Variants in KCNN2 observed in about 807,000 individuals in gnomAD.
The protein encoded by KCNN2 is potassium calcium-activated channel subfamily N member 2.
KCNN2 carries 24 observed loss-of-function variants against 55.5 expected under a neutral mutation model. The observed-to-expected ratio is 0.43, with a 90% CI of 0.31 to 0.61. The LOEUF (loss-of-function observed/expected upper bound fraction) is 0.61. KCNN2 is among the 20% of genes least tolerant of loss of function. The pLI, the probability that KCNN2 is intolerant of heterozygous loss-of-function variation, is 0.08. For synonymous variants in KCNN2, 431 were observed against 336.1 expected, an observed-to-expected ratio of 1.28 and a Z score of -3.09; for missense variants, 754 against 853.6, an observed-to-expected ratio of 0.88 and a Z score of 1.45.
chr5:114,486,921 T>C (rs934562467), intron 5 of KCNN2, 129 bp from the exon 6 acceptor site: 2 of 1,239,544 alleles, frequency 1.6e-6, no homozygotes, highest in African/African-American at 3.1e-5. Flanking sequence ...AAAATGGTAT[T>C]TGGAGTCATG....
chr5:114,133,510 A>C (rs1752111596), intron 1 of KCNN2, among the ~76,000 whole-genome samples: 1 of 152,048 alleles, frequency 6.6e-6, no homozygotes, highest in East Asian at 1.9e-4. Context: ...CCATTAATCC[A>C]CCCTGTACCA....
At chr5:114,366,974 G>T (rs1462357499) in intron 2 of KCNN2, among the ~76,000 whole-genome samples, 2 of 152,232 alleles carry the variant, frequency 1.3e-5, no homozygotes, top group East Asian at 3.9e-4. Context: ...CAGATTTCTG[G>T]TGCATGATAT....
At chr5:114,476,405 A>ATTAG in intron 5 of KCNN2, among the ~76,000 whole-genome samples, 1 of 151,890 alleles carries the variant, frequency 6.6e-6, no homozygotes, top group Non-Finnish European at 1.5e-5. Context: ...GGTCTGAGAA[A>ATTAG]TATACTCTAG....
intron 1 of KCNN2, among the ~76,000 whole-genome samples, chr5:114,101,209 G>T (rs2112569308): frequency 6.6e-6 from 1 of 151,912 alleles, no homozygotes; most frequent in Non-Finnish European, 1.5e-5. Context: ...ATCTTTGTGA[G>T]TAGTCATAGA....
chr5:114,173,431 GT>G (rs1389487378), intron 1 of KCNN2, among the ~76,000 whole-genome samples: 2 of 118,676 alleles, frequency 1.7e-5, no homozygotes, highest in African/African-American at 6.3e-5. Flanking sequence ...TTTTGTTTTT[GT>G]TTTGTTTGTG....
intron 2 of KCNN2, among the ~76,000 whole-genome samples, chr5:114,351,329 G>A (rs897845240): frequency 2.0e-5 from 3 of 151,638 alleles, no homozygotes; most frequent in African/African-American, 7.3e-5. Flanking sequence ...CTGTTTATTA[G>A]TTCTAAGAGC....
In KCNN2 at chr5:114,392,547, C is replaced by T. The variant is rs568371790; in HGVS notation, c.1219-11891C>T. Among the ~76,000 whole-genome samples the T allele has an allele frequency of 5.3e-5, 8 of 152,268 alleles. No individual in the cohort carries two copies. In the South Asian group the frequency reaches 6.2e-4, roughly 12 times the overall value. ...GGGAATGACAAGCATCAGCTTTGCT[C>T]GTTTCTTCTGAGTTTTGCTCAGGAT... is the stretch of plus-strand genomic sequence containing the variant. On this transcript the variant is annotated intron_variant, in intron 2 of 7. Transcript: ENST00000673685.
chr5:114,400,452 T>C (rs1335880059), intron 2 of KCNN2, among the ~76,000 whole-genome samples: 1 of 152,216 alleles, frequency 6.6e-6, no homozygotes, highest in African/African-American at 2.4e-5. Flanking sequence ...CTCTTCACCC[T>C]GTTTTCCCCA....
At chr5:114,478,078 C>G (rs367693713) in intron 5 of KCNN2, among the ~76,000 whole-genome samples, 69 of 152,090 alleles carry the variant, frequency 4.5e-4, no homozygotes, top group East Asian at 4.3e-3. Context: ...ATACACCTGA[C>G]CTAAAGGAAA....
intron 4 of KCNN2, among the ~76,000 whole-genome samples, chr5:114,467,496 C>G (rs1761511522): frequency 6.6e-6 from 1 of 152,062 alleles, no homozygotes; most frequent in African/African-American, 2.4e-5. Context: ...CTTTTTGGTT[C>G]TTTCTGGTGC....
rs1416586540 is a variant in KCNN2 at position 114,478,765 on chromosome 5, TCCAAC to T, written c.1890+5603_1890+5607del. Among the ~76,000 whole-genome samples the T allele has an allele frequency of 2.0e-5, 3 of 152,240 alleles. No individual in the cohort carries two copies. The East Asian group carries it at 5.8e-4, about 29-fold the overall frequency. On this transcript the variant is annotated intron_variant, in intron 5 of 7. Coordinates refer to ENST00000673685, the MANE Select transcript of KCNN2 (RefSeq NM_021614.4). ...CCATATTCAACATTCTTAAAGAATT[TCCAAC>T]CTAGAATTTCGTTATCTGGCCAAAC...
intron 1 of KCNN2, among the ~76,000 whole-genome samples, chr5:114,175,827 C>T (rs1159142855): frequency 1.3e-5 from 2 of 151,984 alleles, no homozygotes; most frequent in African/African-American, 2.4e-5. Context: ...TGCCATTTTG[C>T]CAGAGTTATT....
In KCNN2 at chr5:114,376,744, A is replaced by G. The variant is rs544804328; in HGVS notation, c.1218+12743A>G. 3.9e-5 allele frequency among the ~76,000 whole-genome samples: 6 copies of G among 152,322 alleles called. No individual in the cohort carries two copies. In the East Asian group the frequency reaches 1.2e-3, roughly 29 times the overall value. On this transcript the variant is annotated intron_variant, in intron 2 of 7. Transcript: ENST00000673685. ...GGGGGAAATTACAATGAAGTGTTAC[A>G]AGTGTACTTTTCCTTACCGAGGAGA... is the stretch of plus-strand genomic sequence containing the variant.
chr5:114,374,958 T>A (rs1031309213), intron 2 of KCNN2, among the ~76,000 whole-genome samples: 3 of 152,214 alleles, frequency 2.0e-5, no homozygotes, highest in African/African-American at 7.2e-5. Flanking sequence ...TTAGTCGTCT[T>A]CTGTCAGGAG....
Position 114,404,861 on chromosome 5 carries a change from G to A in KCNN2, c.1637+5G>A. On this transcript the variant is annotated splice_donor_5th_base_variant and intron_variant, in intron 3 of 7. Coordinates refer to ENST00000673685, the MANE Select transcript of KCNN2 (RefSeq NM_021614.4). ...GACTGTCCGAGCTTGTGAAAGGTAA[G>A]TTTGTTTCTTTTCCTGAGAACATAA... 6.3e-7 allele frequency: 1 copy of A among 1,596,478 alleles called. No homozygotes were observed. Among genetic ancestry groups the A allele is most frequent in the Non-Finnish European group, 8.6e-7 (1 of 1,169,450 alleles).
intron 1 of KCNN2, among the ~76,000 whole-genome samples, chr5:114,118,760 C>T (rs1751770459): frequency 1.3e-5 from 2 of 152,134 alleles, no homozygotes; most frequent in East Asian, 3.9e-4. Flanking sequence ...AATCATCAGA[C>T]ATATACCTAC....
chr5:114,402,085 G>C (rs1758804656), intron 2 of KCNN2, among the ~76,000 whole-genome samples: 1 of 152,114 alleles, frequency 6.6e-6, no homozygotes, highest in East Asian at 1.9e-4. Flanking sequence ...AATATTGTGG[G>C]GACACATCCA....
intron 2 of KCNN2, among the ~76,000 whole-genome samples, chr5:114,385,519 G>GCACACA (rs10548694): frequency 0.021 from 3,047 of 143,400 alleles, 106 homozygotes; most frequent in African/African-American, 0.064. Flanking sequence ...ACACATGCGC[G>GCACACA]CACACACACA....
intron 5 of KCNN2, among the ~76,000 whole-genome samples, chr5:114,484,360 G>A (rs957720853): frequency 3.9e-5 from 6 of 152,186 alleles, no homozygotes; most frequent in South Asian, 2.1e-4. Flanking sequence ...ATTACTTAAC[G>A]GGTACAATGT....
Sources: allele counts gnomAD v4.1 joint callset (sites outside exome capture counted in the v4.1 genomes callset), GRCh38; gene constraint gnomAD v4.1.1; transcripts MANE v1.5; gene names NCBI Gene and HGNC (gene_info 2026-07-23, HGNC 2026-07-21).